The following VGLL4 variants were observed in gnomAD, a reference collection of about 807,000 sequenced individuals.
VGLL4 encodes vestigial like family member 4, also known as transcription cofactor vestigial-like protein 4.
Under a neutral mutation model 21.0 loss-of-function variants are expected in VGLL4, and 7 were observed. That is an observed-to-expected ratio of 0.33 (90% CI 0.19 to 0.63). The LOEUF (loss-of-function observed/expected upper bound fraction) is 0.63, where lower values mean the gene tolerates loss of function less well. VGLL4 is among the 20% of genes least tolerant of loss of function. The probability of loss-of-function intolerance (pLI) is 0.78; values close to 1 mark genes in which losing one functional copy is unlikely to be tolerated. For missense variants in VGLL4, 394 were observed against 425.7 expected (o/e 0.93, Z 0.66); for synonymous variants, 222 against 173.2 (o/e 1.28, Z -2.21).
chr3:11,670,638 C>T (rs1575515427), intron 2 of VGLL4, among the ~76,000 whole-genome samples: 1 of 151,880 alleles, frequency 6.6e-6, no homozygotes, highest in South Asian at 2.1e-4. Flanking sequence ...TTTTTTAAGA[C>T]AAAAATAAGT....
At chr3:11,717,549 C>A (rs891214339) in intron 1 of VGLL4, among the ~76,000 whole-genome samples, 2 of 127,072 alleles carry the variant, frequency 1.6e-5, no homozygotes, top group African/African-American at 6.0e-5. Flanking sequence ...CTCTGTTGTC[C>A]AGGCTGGTCT....
intron 2 of VGLL4, among the ~76,000 whole-genome samples, chr3:11,595,006 A>T (rs1385655322): frequency 6.6e-6 from 1 of 152,182 alleles, no homozygotes; most frequent in African/African-American, 2.4e-5. Context: ...TACTAAAAAT[A>T]CAAAATTAGC....
intron 1 of VGLL4, chr3:11,610,272 C>T (rs1376459418): frequency 3.3e-5 from 5 of 152,242 alleles, no homozygotes; most frequent in Non-Finnish European, 7.3e-5. Flanking sequence ...TCAAATAATA[C>T]TTCTTTGTCT....
chr3:11,580,190 G>A (rs1321639268), intron 2 of VGLL4, among the ~76,000 whole-genome samples: 1 of 152,166 alleles, frequency 6.6e-6, no homozygotes, highest in Non-Finnish European at 1.5e-5. Context: ...CCTTCTTGCA[G>A]CCGCTGGAAC....
At chr3:11,589,823 A>C (rs564873095) in intron 2 of VGLL4, among the ~76,000 whole-genome samples, 56 of 152,272 alleles carry the variant, frequency 3.7e-4, no homozygotes, top group African/African-American at 1.1e-3. Flanking sequence ...GTTTCTTCTT[A>C]TAAGGGCACT....
At chr3:11,673,831 T>G (rs2076250729) in intron 2 of VGLL4, among the ~76,000 whole-genome samples, 4 of 151,844 alleles carry the variant, frequency 2.6e-5, no homozygotes, top group Admixed American at 2.6e-4. Flanking sequence ...CTGGGCAACA[T>G]GGTGAAATCC....
intron 3 of VGLL4, among the ~76,000 whole-genome samples, chr3:11,560,022 G>A (rs910635033): frequency 2.0e-5 from 3 of 152,160 alleles, no homozygotes; most frequent in East Asian, 3.9e-4. Context: ...ACCCCAGCCC[G>A]ATCTGCCCTG....
chr3:11,620,561 A>G (rs1047979251), intron 1 of VGLL4, among the ~76,000 whole-genome samples: 1 of 152,218 alleles, frequency 6.6e-6, no homozygotes, highest in Non-Finnish European at 1.5e-5. Flanking sequence ...CAGACCTGCC[A>G]CTACCAAAAC....
At chr3:11,610,053 T>C (rs1368388431) in intron 1 of VGLL4, among the ~76,000 whole-genome samples, 3 of 152,096 alleles carry the variant, frequency 2.0e-5, no homozygotes, top group African/African-American at 7.2e-5. Flanking sequence ...AGCAAAACCA[T>C]AGCTCGGTCG....
chr3:11,559,405 G>C lies in VGLL4; in HGVS notation c.546C>G (p.Asn182Lys). 1.3e-6 allele frequency: 2 copies of C among 1,562,898 alleles called. No individual in the cohort carries two copies. The highest frequency in any genetic ancestry group is 1.7e-6 in the Non-Finnish European group (2 of 1,154,644). ...TGTGCGCGATGGGGCAGTGCGAGAG[G>C]TTGCAGTTGCGGGCGCCAGCCGAGG... ...TCASAGARNC[N>K]LSHCPIAHSG... Residue 182 changes from asparagine (N) to lysine (K), a missense_variant, in exon 4 of 5, where the codon AAC becomes AAG. Asn to Lys is a moderately conservative substitution (Grantham distance 94, BLOSUM62 0). Transcript: ENST00000430365.
At chr3:11,613,181 G>T (rs1040069390) in intron 1 of VGLL4, among the ~76,000 whole-genome samples, 1 of 152,158 alleles carries the variant, frequency 6.6e-6, no homozygotes, top group African/African-American at 2.4e-5. Flanking sequence ...TCTTCAAAAT[G>T]TAAGTGTTTT....
chr3:11,717,127 C>G lies in VGLL4; in HGVS notation c.-14+3267G>C, dbSNP rs115161126. 3.7e-3 allele frequency among the ~76,000 whole-genome samples: 565 copies of G among 151,556 alleles called. 1 individual carries two copies. The highest frequency in any genetic ancestry group is 0.014 in the Middle Eastern group (4 of 292). On this transcript the variant is annotated intron_variant, in intron 1 of 5. Transcript: ENST00000273038. ...GTTTGAGCTCTCATGCTGTAAACAACTGTGCTTTTTGCAGTCTATTTAGTA... is the reference window on the plus strand; with the variant it reads ...GTTTGAGCTCTCATGCTGTAAACAAGTGTGCTTTTTGCAGTCTATTTAGTA...
intron 2 of VGLL4, among the ~76,000 whole-genome samples, chr3:11,597,221 T>C (rs1355106267): frequency 2.0e-5 from 3 of 151,976 alleles, no homozygotes; most frequent in African/African-American, 7.3e-5. Context: ...CTTACCAGAT[T>C]GCACTTGAAT....
At chr3:11,584,056 C>A (rs1418703688) in intron 2 of VGLL4, among the ~76,000 whole-genome samples, 1 of 152,190 alleles carries the variant, frequency 6.6e-6, no homozygotes, top group Non-Finnish European at 1.5e-5. Context: ...GAGGCTTTTC[C>A]ATTAAATAAA....
intron 2 of VGLL4, among the ~76,000 whole-genome samples, chr3:11,666,871 T>TCC (rs1303694675): frequency 6.6e-6 from 1 of 152,152 alleles, no homozygotes; most frequent in Non-Finnish European, 1.5e-5. Flanking sequence ...TCCTCTGTGC[T>TCC]CCCCTCCACT....
intron 2 of VGLL4, among the ~76,000 whole-genome samples, chr3:11,592,350 G>C (rs1054082296): frequency 6.6e-6 from 1 of 152,160 alleles, no homozygotes; most frequent in Non-Finnish European, 1.5e-5. Flanking sequence ...TGTTCCTGTG[G>C]GATTCTCACC....
Position 11,557,083 on chromosome 3 carries a change from C to G in VGLL4, c.*1473G>C, listed in dbSNP as rs555930754. On this transcript the variant is annotated 3_prime_UTR_variant, in exon 5 of 5. Coordinates refer to ENST00000430365, the MANE Select transcript of VGLL4 (RefSeq NM_001128219.3). ...CCCACGTCACCTGGTCAGGTGCCAT[C>G]GTCGTGAGCCTCTGGTGGGCCAGGT... is the stretch of plus-strand genomic sequence containing the variant. 19 of 152,574 alleles carry G rather than the reference C, an allele frequency of 1.2e-4. No individual in the cohort carries two copies. Among genetic ancestry groups the G allele is most frequent in the Admixed American group, 4.6e-4 (7 of 15,300 alleles). The allele number at this position is 152,574 out of a possible 1,614,324, so 9.5% of individuals were successfully genotyped here. A position where few individuals can be genotyped will look rare whatever the true frequency, so the allele number is the denominator to read the frequency against.
At chr3:11,677,419 G>A (rs71316496) in intron 2 of VGLL4, among the ~76,000 whole-genome samples, 2,194 of 152,008 alleles carry the variant, frequency 0.014, 27 homozygotes, top group Middle Eastern at 0.041. Flanking sequence ...ACAGGCAAGT[G>A]CCACCACACC....
intron 2 of VGLL4, among the ~76,000 whole-genome samples, chr3:11,590,615 C>T (rs13066755): frequency 0.52 from 78,198 of 151,744 alleles, 22,709 homozygotes; most frequent in Non-Finnish European, 0.68. Flanking sequence ...ACATTAAGCC[C>T]TCTAATTATG....
Sources: allele counts gnomAD v4.1 joint callset (sites outside exome capture counted in the v4.1 genomes callset), GRCh38; gene constraint gnomAD v4.1.1; transcripts MANE v1.5; gene names NCBI Gene and HGNC (gene_info 2026-07-23, HGNC 2026-07-21).